STAG1: variants seen among roughly 807,000 people sequenced by gnomAD.
STAG1 encodes STAG1 cohesin complex component, also known as cohesin subunit SA-1.
STAG1 carries 26 observed loss-of-function variants against 170.9 expected under a neutral mutation model. The ratio of observed to expected loss-of-function variants is 0.15; its 90% CI spans 0.11 to 0.21. STAG1 has a LOEUF of 0.21. Ranked by LOEUF, STAG1 falls within the 10% of genes least tolerant of loss-of-function variation. STAG1 has a pLI of 1.00. For missense variants in STAG1, 964 were observed against 1,509.5 expected (o/e 0.64, Z 5.99); for synonymous variants, 514 against 497.7 (o/e 1.03, Z -0.44).
chr3:136,488,901 T>C (rs2090068890), intron 9 of STAG1, among the ~76,000 whole-genome samples: 1 of 152,234 alleles, frequency 6.6e-6, no homozygotes, highest in African/African-American at 2.4e-5. Flanking sequence ...AACTAATCTC[T>C]ATTTCCAATA....
chr3:136,547,225 T>C (rs543144807), intron 5 of STAG1, among the ~76,000 whole-genome samples: 10 of 152,316 alleles, frequency 6.6e-5, no homozygotes, highest in Non-Finnish European at 1.3e-4. Flanking sequence ...GTATCCCTTA[T>C]TGTTAACACC....
intron 9 of STAG1, among the ~76,000 whole-genome samples, chr3:136,487,253 G>C (rs1184801969): frequency 6.6e-6 from 1 of 152,060 alleles, no homozygotes; most frequent in Non-Finnish European, 1.5e-5. Context: ...TCCTGTGTTA[G>C]TTTGCTGAGG....
intron 22 of STAG1, 147 bp downstream of exon 22, chr3:136,398,602 A>C (rs2087234725): frequency 3.0e-6 from 1 of 331,418 alleles, no homozygotes; most frequent in Non-Finnish European, 5.0e-6. Context: ...CTCATAAGAT[A>C]AACCAAGAAC....
At chr3:136,708,933 T>C (rs1943303558) in intron 1 of STAG1, among the ~76,000 whole-genome samples, 1 of 149,410 alleles carries the variant, frequency 6.7e-6, no homozygotes, top group Non-Finnish European at 1.5e-5. Flanking sequence ...GCCTCCCAAG[T>C]AGTTGGACCA....
rs1048704535 is a variant in STAG1 at position 136,627,603 on chromosome 3, T to C, written c.29+3267A>G. Reference sequence around the variant, plus strand: ...ACAAACAGGGCTGAAATGACTGTTCTTGTACATAAATAAATCTTACTACAT... The same window carrying C: ...ACAAACAGGGCTGAAATGACTGTTCCTGTACATAAATAAATCTTACTACAT... On this transcript the variant is annotated intron_variant, in intron 2 of 33. Coordinates refer to ENST00000383202, the MANE Select transcript of STAG1 (RefSeq NM_005862.3). 7.2e-5 allele frequency among the ~76,000 whole-genome samples: 11 copies of C among 152,330 alleles called. No individual in the cohort carries two copies. The East Asian group carries it at 2.1e-3, about 29-fold the overall frequency.
chr3:136,339,307 G>C (rs1217388946), intron 32 of STAG1, among the ~76,000 whole-genome samples: 1 of 152,116 alleles, frequency 6.6e-6, no homozygotes, highest in Non-Finnish European at 1.5e-5. Context: ...GGCGGATCAC[G>C]AGGTCAAGAG....
chr3:136,528,496 C>CA (rs1553740662), intron 6 of STAG1, among the ~76,000 whole-genome samples: 8 of 55,412 alleles, frequency 1.4e-4, no homozygotes, highest in Non-Finnish European at 2.2e-4. Flanking sequence ...GTCCCCGCAC[C>CA]CCCCCCCCCA....
intron 32 of STAG1, 141 bp from the exon 33 acceptor site, chr3:136,338,591 CTTT>C: frequency 4.7e-6 from 3 of 637,858 alleles, no homozygotes; most frequent in Non-Finnish European, 8.2e-6. Context: ...GAGAATCTGG[CTTT>C]TATATGAAAT....
Position 136,461,924 on chromosome 3 carries a change from T to TG in STAG1, c.1313+2956dup, listed in dbSNP as rs915398102. 2.8e-4 allele frequency among the ~76,000 whole-genome samples: 43 copies of TG among 152,198 alleles called. 1 individual carries two copies. Among genetic ancestry groups the TG allele is most frequent in the African/African-American group, 1.0e-3 (42 of 41,540 alleles). On this transcript the variant is annotated intron_variant, in intron 13 of 33. Transcript: ENST00000383202. ...CATTTCTCAAAGGAAGACATACCAGTGGCCAACTGGTATACAAAAAGTGCT... is the reference window on the plus strand; with the variant it reads ...CATTTCTCAAAGGAAGACATACCAGTGGGCCAACTGGTATACAAAAAGTGCT...
chr3:136,729,970 C>T (rs1933920161), intron 1 of STAG1, among the ~76,000 whole-genome samples: 1 of 146,126 alleles, frequency 6.8e-6, no homozygotes, highest in African/African-American at 2.5e-5. Flanking sequence ...CTCACTGCAA[C>T]CTCCGCCTCC....
chr3:136,547,872 C>G (rs1314214235), intron 5 of STAG1, among the ~76,000 whole-genome samples: 1 of 151,984 alleles, frequency 6.6e-6, no homozygotes, highest in East Asian at 1.9e-4. Context: ...TTGTTTAATC[C>G]ATTTTGAGTT....
intron 5 of STAG1, among the ~76,000 whole-genome samples, chr3:136,543,198 A>T (rs999882527): frequency 6.6e-6 from 1 of 152,202 alleles, no homozygotes; most frequent in African/African-American, 2.4e-5. Flanking sequence ...GGCTATATTC[A>T]TACTTTTTGC....
chr3:136,340,714 C>A, intron 31 of STAG1, 109 bp from the exon 32 acceptor site: 1 of 693,426 alleles, frequency 1.4e-6, no homozygotes, highest in Non-Finnish European at 2.6e-6. Context: ...ACCTTCTAAT[C>A]ATGACCTACA....
At chr3:136,521,474 C>CTT in intron 6 of STAG1, 57 bp from the exon 7 acceptor site, 1 of 1,472,622 alleles carries the variant, frequency 6.8e-7, no homozygotes, top group South Asian at 1.2e-5. Context: ...TTGATGAAAG[C>CTT]TTTTTTTTTC....
In STAG1 at chr3:136,551,152, AT is replaced by A. The variant is rs1421897378; in HGVS notation, c.395-8958del. Among the ~76,000 whole-genome samples the A allele has an allele frequency of 6.2e-5, 9 of 145,358 alleles. No individual in the cohort carries two copies. In the Admixed American group the frequency reaches 6.3e-4, roughly 10 times the overall value. On this transcript the variant is annotated intron_variant, in intron 5 of 33. Coordinates refer to ENST00000383202, the MANE Select transcript of STAG1 (RefSeq NM_005862.3). ...TAAGATGATTTAGGTATCTACATAA[AT>A]TTTTTTAACTCCTTTTTTTTTTTTT...
chr3:136,448,853 C>T (rs529176075), intron 14 of STAG1, among the ~76,000 whole-genome samples: 2 of 151,992 alleles, frequency 1.3e-5, no homozygotes, highest in African/African-American at 2.4e-5. Flanking sequence ...ACAGGAGAAT[C>T]GCTTGAACCC....
At chr3:136,575,294 G>T (rs915386241) in intron 4 of STAG1, among the ~76,000 whole-genome samples, 1 of 152,092 alleles carries the variant, frequency 6.6e-6, no homozygotes, top group Non-Finnish European at 1.5e-5. Flanking sequence ...GCATGACCAC[G>T]GCTCATTGTA....
At chr3:136,511,593 C>T (rs1308569628) in intron 7 of STAG1, among the ~76,000 whole-genome samples, 1 of 152,046 alleles carries the variant, frequency 6.6e-6, no homozygotes, top group Non-Finnish European at 1.5e-5. Context: ...GGGAGCTAAA[C>T]GATGAGAAAG....
At chr3:136,563,576 C>G (rs758222770) in intron 5 of STAG1, among the ~76,000 whole-genome samples, 2 of 150,206 alleles carry the variant, frequency 1.3e-5, no homozygotes, top group African/African-American at 2.5e-5. Context: ...TAACCAATCT[C>G]GTTACCGTCA....
Sources: gnomAD v4.1 joint callset for allele counts (sites outside exome capture counted in the v4.1 genomes callset) on GRCh38, gnomAD v4.1.1 for gene constraint, MANE v1.5 for transcripts, NCBI Gene and HGNC (gene_info 2026-07-23, HGNC 2026-07-21) for gene names.